Variants in ALG13 observed in about 807,000 individuals in gnomAD.
The protein encoded by ALG13 is UDP-N-acetylglucosamine transferase subunit ALG13.
ALG13 carries 11 observed loss-of-function variants against 87.8 expected under a neutral mutation model. The ratio of observed to expected loss-of-function variants is 0.13; its 90% CI spans 0.08 to 0.21. ALG13 has a LOEUF of 0.21. Ranked by LOEUF, ALG13 falls within the 10% of genes least tolerant of loss-of-function variation. ALG13 has a pLI of 1.00. For missense variants in ALG13, 756 were observed against 866.1 expected, an observed-to-expected ratio of 0.87 and a Z score of 1.60; for synonymous variants, 320 against 306.3, an observed-to-expected ratio of 1.04 and a Z score of -0.47.
chrX:111,681,595 T>TCCTCCGCC lies in ALG13; in HGVS notation c.81+302_81+309dup, dbSNP rs1458874548. On this transcript the variant is annotated intron_variant, in intron 1 of 26. Coordinates refer to ENST00000394780, the MANE Select transcript of ALG13 (RefSeq NM_001099922.3). ...CCGCGCTCTATTCTCCGCCTCCGCGTCCTCCGCCCCTCCTTCCAACGGCTC... is the reference window on the plus strand; with the variant it reads ...CCGCGCTCTATTCTCCGCCTCCGCGTCCTCCGCCCCTCCGCCCCTCCTTCCAACGGCTC... 173 of 946,583 alleles carry TCCTCCGCC rather than the reference T, an allele frequency of 1.8e-4. 1 individual carries two copies. In the East Asian group the frequency reaches 8.2e-3, roughly 45 times the overall value. The allele number at this position is 946,583 out of a possible 1,213,427, so 78.0% of individuals were successfully genotyped here.
chrX:111,734,866 T>C (rs1285908127), intron 21 of ALG13, among the ~76,000 whole-genome samples, 185 bp from the exon 22 acceptor site: 1 of 112,083 alleles, frequency 8.9e-6, no homozygotes, highest in African/African-American at 3.2e-5. Flanking sequence ...TTTCTGTAGA[T>C]ATGTAACAAA....
At chrX:111,688,117 ACATC>A in intron 3 of ALG13, 2 of 854,205 alleles carry the variant, frequency 2.3e-6, no homozygotes, top group Non-Finnish European at 2.9e-6. Flanking sequence ...TAAACTTCCT[ACATC>A]TATAGAATGT....
At chrX:111,723,956 T>C (rs1255066495) in intron 14 of ALG13, 58 bp downstream of exon 14, 5 of 758,317 alleles carry the variant, frequency 6.6e-6, no homozygotes, top group Non-Finnish European at 9.5e-6. Context: ...TTCCATTTCG[T>C]AATATTAAAT....
intron 15 of ALG13, among the ~76,000 whole-genome samples, chrX:111,726,594 T>G (rs1201117483): frequency 9.0e-6 from 1 of 110,787 alleles, no homozygotes; most frequent in East Asian, 2.8e-4. Context: ...AGTGCCGAGA[T>G]ATACCCATTG....
chrX:111,691,509 A>T (rs186001320), intron 3 of ALG13, among the ~76,000 whole-genome samples: 160 of 112,561 alleles, frequency 1.4e-3, no homozygotes, highest in South Asian at 5.5e-3. Flanking sequence ...ATATATACTC[A>T]TTTAATCTTT....
At chrX:111,704,065 T>C (rs941024704) in intron 3 of ALG13, among the ~76,000 whole-genome samples, 1 of 112,024 alleles carries the variant, frequency 8.9e-6, no homozygotes, top group Non-Finnish European at 1.9e-5. Flanking sequence ...TGCAGTAGTA[T>C]CTCATTAAAG....
intron 16 of ALG13, 108 bp from the exon 17 acceptor site, chrX:111,727,224 C>G (rs574485805): frequency 2.3e-6 from 2 of 885,547 alleles, no homozygotes; most frequent in South Asian, 4.9e-5. Context: ...AGAGCTCTTT[C>G]TAGTTGAATG....
chrX:111,734,110 A>G (rs935756929), intron 21 of ALG13, among the ~76,000 whole-genome samples: 27 of 112,008 alleles, frequency 2.4e-4, no homozygotes, highest in East Asian at 1.4e-3. Context: ...TGGGTTGTCT[A>G]TCTGTTTACT....
chrX:111,686,060 C>A, intron 3 of ALG13: 2 of 629,240 alleles, frequency 3.2e-6, no homozygotes, highest in South Asian at 5.0e-5. Flanking sequence ...TTATTTTCTA[C>A]AAGTATATTA....
chrX:111,696,765 GTTAT>G (rs766665165), intron 3 of ALG13, among the ~76,000 whole-genome samples: 74 of 111,496 alleles, frequency 6.6e-4, no homozygotes, highest in Non-Finnish European at 8.9e-4. Flanking sequence ...AGTAAACTAT[GTTAT>G]TTAAAGTTAC....
chrX:111,682,374 G>A, intron 2 of ALG13, 80 bp downstream of exon 2: 1 of 809,015 alleles, frequency 1.2e-6, no homozygotes, highest in Non-Finnish European at 1.7e-6. Context: ...GGGGGTACAT[G>A]TGCAGGATGT....
chrX:111,686,268 A>G (rs2147718735), intron 3 of ALG13: 1 of 402,793 alleles, frequency 2.5e-6, no homozygotes. Flanking sequence ...ATGTGTATAT[A>G]TATATTTATT....
chrX:111,750,666 T>C (rs1303272880), intron 24 of ALG13, among the ~76,000 whole-genome samples: 1 of 109,529 alleles, frequency 9.1e-6, no homozygotes, highest in Middle Eastern at 4.2e-3. Context: ...CTTATTTATT[T>C]ATTTATTTAT....
intron 2 of ALG13, among the ~76,000 whole-genome samples, chrX:111,683,385 A>C (rs1934056041): frequency 1.0e-5 from 1 of 95,972 alleles, no homozygotes; most frequent in South Asian, 5.0e-4. Flanking sequence ...GCTGGAATGC[A>C]GTGATGCTAT....
intron 23 of ALG13, among the ~76,000 whole-genome samples, chrX:111,742,782 A>G (rs1460914364): frequency 8.9e-6 from 1 of 112,677 alleles, no homozygotes; most frequent in African/African-American, 3.2e-5. Context: ...TATTGTATAT[A>G]TTTATGTTCT....
intron 3 of ALG13, among the ~76,000 whole-genome samples, chrX:111,685,767 C>G (rs1191650503): frequency 9.0e-6 from 1 of 111,667 alleles, no homozygotes; most frequent in Admixed American, 9.5e-5. Context: ...GGCAGAGTAC[C>G]TAACATTTTG....
chrX:111,733,427 G>A (rs1942920739), intron 21 of ALG13, among the ~76,000 whole-genome samples: 1 of 111,617 alleles, frequency 9.0e-6, no homozygotes, highest in South Asian at 3.8e-4. Flanking sequence ...TAGAATAACG[G>A]TCTTTAATTC....
intron 25 of ALG13, chrX:111,757,379 A>G: frequency 3.1e-6 from 1 of 324,028 alleles, no homozygotes; most frequent in East Asian, 4.7e-5. Context: ...TTAGGTTTAA[A>G]TATGAGATAC....
At chrX:111,726,744 A>G in intron 15 of ALG13, 65 bp from the exon 16 acceptor site, 2 of 1,166,459 alleles carry the variant, frequency 1.7e-6, no homozygotes, top group Non-Finnish European at 2.3e-6. Context: ...TGTGGTGGTG[A>G]CAGTACACTG....
Sources: allele counts gnomAD v4.1 joint callset (sites outside exome capture counted in the v4.1 genomes callset), GRCh38; gene constraint gnomAD v4.1.1; transcripts MANE v1.5; gene names NCBI Gene and HGNC (gene_info 2026-07-23, HGNC 2026-07-21).